FOXN3: variants seen among roughly 807,000 people sequenced by gnomAD.
FOXN3 encodes forkhead box N3.
FOXN3 carries 7 observed loss-of-function variants against 38.4 expected under a neutral mutation model. The ratio of observed to expected loss-of-function variants is 0.18; its 90% CI spans 0.10 to 0.34. FOXN3 has a LOEUF of 0.34. Ranked by LOEUF, FOXN3 falls within the 10% of genes least tolerant of loss-of-function variation. The pLI, the probability that FOXN3 is intolerant of heterozygous loss-of-function variation, is 1.00. For missense variants in FOXN3, 456 were observed against 613.4 expected (o/e 0.74, Z 2.71); for synonymous variants, 230 against 242.2 (o/e 0.95, Z 0.47).
In FOXN3 at chr14:89,164,994, G is replaced by A. The variant is rs1385728156; in HGVS notation, c.852-2025C>T. On this transcript the variant is annotated intron_variant, in intron 5 of 5. Coordinates refer to ENST00000557258, the MANE Select transcript of FOXN3 (RefSeq NM_005197.4). The surrounding 1 kb of genome is among the most constrained non-coding windows in gnomAD (Gnocchi z 4.3). ...AAATTTAGGCTGGGGGAGAGACTCC[G>A]TACTGTCGTGTCCACCAGCAAAATG... 5.9e-5 allele frequency among the ~76,000 whole-genome samples: 9 copies of A among 152,236 alleles called. No individual in the cohort carries two copies. In the East Asian group the frequency reaches 7.7e-4, roughly 13 times the overall value.
At chr14:89,477,083 C>T (rs892465802) in intron 1 of FOXN3, among the ~76,000 whole-genome samples, 32 of 152,140 alleles carry the variant, frequency 2.1e-4, no homozygotes, top group Admixed American at 1.9e-3. Flanking sequence ...ATTGAACTCA[C>T]TGTCTTGAGC....
intron 1 of FOXN3, among the ~76,000 whole-genome samples, chr14:89,429,789 A>ATC (rs1375505305): frequency 6.6e-6 from 1 of 152,216 alleles, no homozygotes; most frequent in Non-Finnish European, 1.5e-5. Context: ...AAAGGTGACT[A>ATC]ATGAGCTCAT....
At chr14:89,499,045 C>T (rs1893744538) in intron 1 of FOXN3, among the ~76,000 whole-genome samples, 1 of 152,150 alleles carries the variant, frequency 6.6e-6, no homozygotes, top group Non-Finnish European at 1.5e-5. Flanking sequence ...TCAGAAGCCA[C>T]AGCAGTGTAG....
At chr14:89,535,641 C>CT (rs1335555640) in intron 1 of FOXN3, among the ~76,000 whole-genome samples, 1 of 152,208 alleles carries the variant, frequency 6.6e-6, no homozygotes, top group African/African-American at 2.4e-5. Context: ...TCCAGACTGT[C>CT]TTTTCAACAA....
chr14:89,510,163 C>G (rs1894027277), intron 1 of FOXN3, among the ~76,000 whole-genome samples: 1 of 152,122 alleles, frequency 6.6e-6, no homozygotes, highest in Non-Finnish European at 1.5e-5. Context: ...CTCCATGATG[C>G]ACATGAAAAC....
intron 4 of FOXN3, among the ~76,000 whole-genome samples, chr14:89,237,866 T>C (rs1885026359): frequency 1.3e-5 from 2 of 152,234 alleles, no homozygotes; most frequent in Non-Finnish European, 1.5e-5. Context: ...CATCTATCTA[T>C]CTGTCCACGC....
chr14:89,451,606 C>T (rs1361662563), intron 1 of FOXN3, among the ~76,000 whole-genome samples: 1 of 152,104 alleles, frequency 6.6e-6, no homozygotes, highest in Non-Finnish European at 1.5e-5. Context: ...GGGATGCTAC[C>T]GTGTCTCTGT....
At chr14:89,357,110 G>A (rs1889261145) in intron 2 of FOXN3, among the ~76,000 whole-genome samples, 1 of 152,180 alleles carries the variant, frequency 6.6e-6, no homozygotes, top group Non-Finnish European at 1.5e-5. Context: ...CAGCACTTTA[G>A]GAGGCCAAGG....
chr14:89,246,542 C>CTTTTTTTTT (rs755916666), intron 4 of FOXN3, among the ~76,000 whole-genome samples: 2,192 of 83,882 alleles, frequency 0.026, 260 homozygotes, highest in Non-Finnish European at 0.03. Context: ...CAGGATGCGG[C>CTTTTTTTTT]TTTTTTTTTT....
intron 2 of FOXN3, among the ~76,000 whole-genome samples, chr14:89,364,242 C>T (rs188162344): frequency 2.4e-5 from 3 of 122,838 alleles, no homozygotes; most frequent in Admixed American, 1.8e-4. Context: ...ACAATTACTC[C>T]AGCAGTTTAG....
intron 1 of FOXN3, among the ~76,000 whole-genome samples, chr14:89,487,863 G>C (rs1243104048): frequency 6.6e-6 from 1 of 152,088 alleles, no homozygotes; most frequent in Admixed American, 6.5e-5. Context: ...TGCCACGAAA[G>C]GAAGGCATCA....
At position 89,431,457 on chromosome 14, in the gene FOXN3, C is replaced by T. The variant is rs199932698; in HGVS notation, c.-14-18967G>A. ...AACTCCTGACCTCAGGTGATCCACC[C>T]GCCTCGGCCTCCCAAAGTGCTGGGA... On this transcript the variant is annotated intron_variant, in intron 1 of 6. Coordinates refer to the FOXN3 transcript ENST00000345097. Among the ~76,000 whole-genome samples, 22 of 151,698 alleles carry T rather than the reference C, an allele frequency of 1.5e-4. No homozygotes were observed. In the East Asian group the frequency reaches 1.6e-3, roughly 11 times the overall value.
chr14:89,505,465 C>T (rs1260313047), intron 1 of FOXN3, among the ~76,000 whole-genome samples: 4 of 152,210 alleles, frequency 2.6e-5, no homozygotes, highest in East Asian at 1.9e-4. Flanking sequence ...TTGGTGGAGA[C>T]GGGGTTTCGC....
intron 1 of FOXN3, among the ~76,000 whole-genome samples, chr14:89,587,299 C>A (rs1895859596): frequency 6.6e-6 from 1 of 152,378 alleles, no homozygotes; most frequent in African/African-American, 2.4e-5. Context: ...AATCCCTTCA[C>A]AGCAACATCT....
At chr14:89,189,802 A>C (rs1468099232) in intron 4 of FOXN3, among the ~76,000 whole-genome samples, 1 of 152,200 alleles carries the variant, frequency 6.6e-6, no homozygotes, top group African/African-American at 2.4e-5. Context: ...TGAGGATGGG[A>C]GTCCTGCTTA....
intron 3 of FOXN3, among the ~76,000 whole-genome samples, chr14:89,317,339 G>C (rs1887750294): frequency 6.6e-6 from 1 of 152,162 alleles, no homozygotes; most frequent in Admixed American, 6.5e-5. Context: ...TTCCTGCGAT[G>C]TTTTAGAAGG....
intron 1 of FOXN3, among the ~76,000 whole-genome samples, chr14:89,432,144 C>T (rs1566654213): frequency 6.6e-6 from 1 of 152,198 alleles, no homozygotes; most frequent in Non-Finnish European, 1.5e-5. Flanking sequence ...TAACTGGATC[C>T]CTGTCACCTC....
At chr14:89,285,023 G>A (rs959124611) in intron 3 of FOXN3, among the ~76,000 whole-genome samples, 4 of 152,158 alleles carry the variant, frequency 2.6e-5, no homozygotes, top group East Asian at 1.9e-4. Context: ...GCAAGATGAC[G>A]TGATCCATCA....
intron 3 of FOXN3, among the ~76,000 whole-genome samples, chr14:89,322,226 C>A (rs1162212219): frequency 6.6e-6 from 1 of 152,200 alleles, no homozygotes; most frequent in Non-Finnish European, 1.5e-5. Flanking sequence ...TTAAATCTCA[C>A]AGCTTGAACA....
Sources: allele counts gnomAD v4.1 joint callset (sites outside exome capture counted in the v4.1 genomes callset), GRCh38; gene constraint gnomAD v4.1.1; non-coding constraint Gnocchi (gnomAD v3.1); transcripts MANE v1.5; gene names NCBI Gene and HGNC (gene_info 2026-07-23, HGNC 2026-07-21).